CDH23: variants seen among roughly 807,000 people sequenced by gnomAD.
CDH23 encodes the protein cadherin related 23, also known as cadherin-23.
In CDH23, 189 loss-of-function variants were observed where a neutral mutation model predicts 317.1. The observed-to-expected ratio is 0.60, with a 90% CI of 0.53 to 0.67. The LOEUF is 0.67. Among genes scored for constraint, CDH23 ranks in the 30% least tolerant of loss-of-function variants. The pLI is 0.00. For missense variants in CDH23, 4,401 were observed against 4,592.4 expected, an observed-to-expected ratio of 0.96 and a Z score of 1.20; for synonymous variants, 1,839 against 1,876.8, an observed-to-expected ratio of 0.98 and a Z score of 0.52.
intron 11 of CDH23, 68 bp from the exon 12 acceptor site, chr10:71,643,793 C>T (rs1209647198): frequency 3.9e-6 from 3 of 761,806 alleles, no homozygotes; most frequent in Admixed American, 3.4e-5. Flanking sequence ...TTCCTTCCTC[C>T]TCTCCATACC....
intron 1 of CDH23, among the ~76,000 whole-genome samples, chr10:71,436,525 C>T (rs1334370605): frequency 6.6e-6 from 1 of 152,240 alleles, no homozygotes; most frequent in African/African-American, 2.4e-5. Context: ...TCAGGAGACT[C>T]TGACTCAGGC....
At chr10:71,419,190 G>A (rs1175024550) in intron 1 of CDH23, among the ~76,000 whole-genome samples, 1 of 152,036 alleles carries the variant, frequency 6.6e-6, no homozygotes, top group Non-Finnish European at 1.5e-5. Context: ...CTCCCTCTAT[G>A]GCTCCCTTCC....
At position 71,513,341 on chromosome 10, in the gene CDH23, TG is replaced by T. The variant is rs981547721; in HGVS notation, c.429+2130del. 1.0e-3 allele frequency among the ~76,000 whole-genome samples: 159 copies of T among 152,226 alleles called. 1 individual carries two copies. The highest frequency in any genetic ancestry group is 3.6e-3 in the African/African-American group (151 of 41,540). ...GTGGTCACCTGAGCTGGAAACTAGC[TG>T]CCTGGCTCTGACCACAGCTGGGGTA... On this transcript the variant is annotated intron_variant, in intron 6 of 69. Transcript: ENST00000224721.
intron 11 of CDH23, chr10:71,622,960 A>T: frequency 1.0e-6 from 1 of 985,318 alleles, no homozygotes; most frequent in South Asian, 4.7e-5. Flanking sequence ...GGCCTTCCTG[A>T]GGGACTATGC....
At chr10:71,639,939 C>T (rs1184563411) in intron 11 of CDH23, among the ~76,000 whole-genome samples, 1 of 152,178 alleles carries the variant, frequency 6.6e-6, no homozygotes, top group East Asian at 1.9e-4. Flanking sequence ...ACAGGCTGAG[C>T]ATTTTAGAGG....
intron 3 of CDH23, among the ~76,000 whole-genome samples, chr10:71,506,728 G>T (rs573916863): frequency 3.0e-4 from 45 of 152,298 alleles, no homozygotes; most frequent in African/African-American, 9.6e-4. Flanking sequence ...TATGTGCCCA[G>T]CTGGAAAATT....
rs1404501539 is a variant in CDH23 at position 71,687,656 on chromosome 10, G to A, written c.1996G>A (p.Asp666Asn). The change falls in exon 19 of 70, where the codon GAC becomes AAC. Residue 666 changes from aspartate (D) to asparagine (N), a missense_variant. Transcript: ENST00000224721. ...PVTIEVFDEN[D>N]NPPTFSKPAY... is the part of the protein sequence containing the mutation. ...TCTGTGTTCCTTCCAGGATGAGAAT[G>A]ACAACCCTCCCACCTTCAGCAAGCC... is the stretch of plus-strand genomic sequence containing the variant. The A allele has an allele frequency of 3.1e-6, 5 of 1,613,754 alleles. No individual in the cohort carries two copies. Among genetic ancestry groups the A allele is most frequent in the Admixed American group, 1.7e-5 (1 of 60,006 alleles).
At chr10:71,642,712 C>T (rs916718559) in intron 11 of CDH23, among the ~76,000 whole-genome samples, 1 of 152,186 alleles carries the variant, frequency 6.6e-6, no homozygotes, top group Non-Finnish European at 1.5e-5. Context: ...GGCCCGGCCT[C>T]TTATCCCCCA....
In CDH23 at chr10:71,719,229, G is replaced by A. The variant is rs146259566; in HGVS notation, c.3370-4816G>A. Among the ~76,000 whole-genome samples the A allele has an allele frequency of 1.5e-3, 225 of 152,226 alleles. 1 individual carries two copies. Among genetic ancestry groups the A allele is most frequent in the African/African-American group, 5.2e-3 (217 of 41,526 alleles). ...CCAGCTGCCAGGCCCCTTGACACCCGGCTACTGACCAACCAGCAAAGGCCA... is the reference window on the plus strand; with the variant it reads ...CCAGCTGCCAGGCCCCTTGACACCCAGCTACTGACCAACCAGCAAAGGCCA... On this transcript the variant is annotated intron_variant, in intron 28 of 69. Transcript: ENST00000224721.
At chr10:71,668,934 C>T (rs1386249134) in intron 14 of CDH23, among the ~76,000 whole-genome samples, 1 of 152,200 alleles carries the variant, frequency 6.6e-6, no homozygotes, top group Non-Finnish European at 1.5e-5. Context: ...CTTGCAGATG[C>T]GATTATAAAG....
intron 14 of CDH23, among the ~76,000 whole-genome samples, chr10:71,654,877 C>A (rs896249374): frequency 6.6e-6 from 1 of 152,162 alleles, no homozygotes; most frequent in Non-Finnish European, 1.5e-5. Flanking sequence ...AGTCACACTG[C>A]ATCATTTCTG....
chr10:71,653,114 AG>A (rs1353192827), intron 14 of CDH23, among the ~76,000 whole-genome samples: 1 of 151,892 alleles, frequency 6.6e-6, no homozygotes, highest in Admixed American at 6.6e-5. Flanking sequence ...CCCCTCCTAG[AG>A]CTAACTGGCT....
Position 71,734,290 on chromosome 10 carries a change from T to C in CDH23, c.4155T>C (p.Tyr1385=). Reference sequence around the variant, plus strand: ...TGGACCGTGAGAAGGGCGACTTCTATACCTTGACAGTGGTGGCAGATGACG... The same window carrying C: ...TGGACCGTGAGAAGGGCGACTTCTACACCTTGACAGTGGTGGCAGATGACG... The part of the protein sequence containing the change: ...GLVDREKGDF[Y]TLTVVADDGG... The change falls in exon 33 of 70, where the codon TAT becomes TAC. Residue 1385 remains tyrosine (Y), a synonymous_variant. Transcript: ENST00000224721. The C allele has an allele frequency of 6.2e-7, 1 of 1,612,694 alleles. No individual in the cohort carries two copies. The highest frequency in any genetic ancestry group is 8.5e-7 in the Non-Finnish European group (1 of 1,179,384).
rs1842004514 is a variant in CDH23 at position 71,813,290 on chromosome 10, A to T, written c.9680A>T (p.Lys3227Met). 6.4e-7 allele frequency: 1 copy of T among 1,551,446 alleles called. No individual in the cohort carries two copies. Among genetic ancestry groups the T allele is most frequent in the Admixed American group, 2.0e-5 (1 of 50,974 alleles). Reference protein sequence around the residue: ...VVLEDYLRLKKLFAQRMVQKA... With the variant: ...VVLEDYLRLKMLFAQRMVQKA... Reference sequence around the variant, plus strand: ...CTGGAGGATTACCTGCGGCTCAAAAAGCTCTTTGCACAGCGGATGGTGCAA... The same window carrying T: ...CTGGAGGATTACCTGCGGCTCAAAATGCTCTTTGCACAGCGGATGGTGCAA... The change falls in exon 69 of 70, where the codon AAG becomes ATG. Residue 3227 changes from lysine (K) to methionine (M), a missense_variant. This residue lies in a region of CDH23 where 1,144 missense variants were observed against 1,138.2 expected (regional missense o/e 1.01). Coordinates refer to ENST00000224721, the MANE Select transcript of CDH23 (RefSeq NM_022124.6).
At chr10:71,729,842 T>A (rs1839302442) in intron 30 of CDH23, among the ~76,000 whole-genome samples, 2 of 149,598 alleles carry the variant, frequency 1.3e-5, no homozygotes, top group South Asian at 4.2e-4. Context: ...TATTATTAAT[T>A]TTTTTTTTTT....
At chr10:71,755,603 A>G in intron 38 of CDH23, 1 of 774,236 alleles carries the variant, frequency 1.3e-6, no homozygotes, top group Non-Finnish European at 2.1e-6. Flanking sequence ...GACCCCCAGC[A>G]ACCTACAGAG....
chr10:71,687,036 A>G (rs1332891830), intron 18 of CDH23, among the ~76,000 whole-genome samples: 1 of 152,184 alleles, frequency 6.6e-6, no homozygotes, highest in Non-Finnish European at 1.5e-5. Flanking sequence ...ATATTGCTTT[A>G]GAACTGACAG....
At chr10:71,502,795 C>T (rs183031259) in intron 3 of CDH23, among the ~76,000 whole-genome samples, 1 of 152,298 alleles carries the variant, frequency 6.6e-6, no homozygotes, top group East Asian at 1.9e-4. Flanking sequence ...GATGCTGCTG[C>T]AAGGAGGGAG....
intron 11 of CDH23, among the ~76,000 whole-genome samples, chr10:71,625,298 AG>A (rs1861663093): frequency 1.3e-5 from 2 of 149,560 alleles, no homozygotes; most frequent in Non-Finnish European, 3.0e-5. Flanking sequence ...TTCCCGTTTC[AG>A]GCAGGAGATG....
Sources: allele counts gnomAD v4.1 joint callset (sites outside exome capture counted in the v4.1 genomes callset), GRCh38; gene constraint gnomAD v4.1.1; regional missense constraint gnomAD v4.1.1; transcripts MANE v1.5; gene names NCBI Gene and HGNC (gene_info 2026-07-23, HGNC 2026-07-21).